CORIN: variants seen among roughly 807,000 people sequenced by gnomAD.
CORIN encodes corin, serine peptidase.
CORIN carries 117 observed loss-of-function variants against 125.3 expected under a neutral mutation model. That is an observed-to-expected ratio of 0.93 (90% CI 0.80 to 1.09). The LOEUF is 1.09. Ranked by LOEUF, CORIN falls within the 50% of genes least tolerant of loss-of-function variation. The pLI, the probability that CORIN is intolerant of heterozygous loss-of-function variation, is 0.00. For synonymous variants in CORIN, 450 were observed against 466.4 expected, an observed-to-expected ratio of 0.96 and a Z score of 0.45; for missense variants, 1,253 against 1,306.7, an observed-to-expected ratio of 0.96 and a Z score of 0.63.
chr4:47,785,387 C>A (rs61764287), intron 3 of CORIN, among the ~76,000 whole-genome samples: 251 of 152,210 alleles, frequency 1.6e-3, no homozygotes, highest in Non-Finnish European at 2.8e-3. Flanking sequence ...TCACCTCTCA[C>A]CAACTCACCA....
At chr4:47,649,325 C>G (rs1723632472) in intron 13 of CORIN, among the ~76,000 whole-genome samples, 1 of 152,210 alleles carries the variant, frequency 6.6e-6, no homozygotes, top group Non-Finnish European at 1.5e-5. Flanking sequence ...CCTGAGTTTA[C>G]TATGTGAGCC....
chr4:47,632,718 C>A (rs2109582580), intron 16 of CORIN, among the ~76,000 whole-genome samples: 1 of 99,636 alleles, frequency 1.0e-5, no homozygotes, highest in South Asian at 3.2e-4. Flanking sequence ...TCCTAACTGA[C>A]AATAGATGAT....
intron 20 of CORIN, 150 bp from the exon 21 acceptor site, chr4:47,600,497 G>A (rs1560467239): frequency 1.8e-6 from 1 of 559,346 alleles, no homozygotes; most frequent in African/African-American, 1.9e-5. Context: ...CCATTTTAAA[G>A]ACATGGCTGG....
intron 13 of CORIN, among the ~76,000 whole-genome samples, chr4:47,645,541 C>T (rs1321294367): frequency 6.6e-6 from 1 of 151,026 alleles, no homozygotes. Context: ...TAGAAATAAC[C>T]AATAATATTC....
At chr4:47,790,441 G>A (rs898524171) in intron 2 of CORIN, among the ~76,000 whole-genome samples, 44 of 152,246 alleles carry the variant, frequency 2.9e-4, no homozygotes, top group African/African-American at 9.9e-4. Context: ...TCATTTTGCT[G>A]AGAGTCCCTG....
chr4:47,795,845 G>T (rs1252670413), intron 2 of CORIN, among the ~76,000 whole-genome samples: 2 of 152,030 alleles, frequency 1.3e-5, no homozygotes, highest in Non-Finnish European at 2.9e-5. Flanking sequence ...AGAGCCAGTA[G>T]CCAGTAAGTA....
In CORIN at chr4:47,786,696, C is replaced by T. The variant is rs749615445; in HGVS notation, c.409+29G>A. ...AAACCTACCTGTGGGACATTAAAAG[C>T]CTCTAGCATGTATCACCTTTGGACT... On this transcript the variant is annotated intron_variant, in intron 3 of 21. Coordinates refer to ENST00000273857, the MANE Select transcript of CORIN (RefSeq NM_006587.4). 1.1e-5 allele frequency: 17 copies of T among 1,578,462 alleles called. No homozygotes were observed. In the Admixed American group the frequency reaches 2.7e-4, roughly 25 times the overall value.
At chr4:47,674,647 TG>T in intron 9 of CORIN, 147 bp from the exon 10 acceptor site, 2 of 596,986 alleles carry the variant, frequency 3.4e-6, no homozygotes, top group East Asian at 5.6e-5. Context: ...GAACGTACGT[TG>T]AATAGGTGCT....
chr4:47,837,987 T>C lies in CORIN; in HGVS notation c.-38A>G. The C allele has an allele frequency of 1.9e-6, 3 of 1,606,880 alleles. No homozygotes were observed. The highest frequency in any genetic ancestry group is 2.5e-6 in the Non-Finnish European group (3 of 1,179,874). Reference sequence around the variant, plus strand: ...TCGCTTATTCTTCTGTCCACTTTTATCTTGGTCGCTTTTCTCTCCTCTACG... The same window carrying C: ...TCGCTTATTCTTCTGTCCACTTTTACCTTGGTCGCTTTTCTCTCCTCTACG... On this transcript the variant is annotated 5_prime_UTR_variant, in exon 1 of 22. Transcript: ENST00000273857.
intron 2 of CORIN, among the ~76,000 whole-genome samples, chr4:47,792,284 T>C (rs1369095835): frequency 6.6e-6 from 1 of 152,118 alleles, no homozygotes; most frequent in Non-Finnish European, 1.5e-5. Context: ...CCAGACAGGA[T>C]AGGTCTTGTA....
intron 3 of CORIN, among the ~76,000 whole-genome samples, chr4:47,786,126 C>T (rs534788510): frequency 3.9e-5 from 6 of 152,132 alleles, no homozygotes; most frequent in African/African-American, 7.2e-5. Flanking sequence ...TGCCACTATA[C>T]TGGGGCAAGC....
At chr4:47,799,172 A>G (rs575791417) in intron 2 of CORIN, among the ~76,000 whole-genome samples, 55 of 148,810 alleles carry the variant, frequency 3.7e-4, no homozygotes, top group East Asian at 2.0e-4. Context: ...TCTTTATCCA[A>G]TCTACCACTG....
intron 12 of CORIN, among the ~76,000 whole-genome samples, chr4:47,656,305 G>C (rs1476363087): frequency 6.6e-6 from 1 of 151,946 alleles, no homozygotes; most frequent in Non-Finnish European, 1.5e-5. Context: ...ACAGGCGCCT[G>C]CCACCATGCC....
chr4:47,604,981 A>G (rs540639758), intron 19 of CORIN, among the ~76,000 whole-genome samples: 79 of 152,182 alleles, frequency 5.2e-4, no homozygotes, highest in Non-Finnish European at 1.1e-3. Context: ...TCTCAACCCA[A>G]GGACTTTCTT....
intron 13 of CORIN, among the ~76,000 whole-genome samples, chr4:47,648,584 T>C (rs886763661): frequency 4.6e-5 from 7 of 152,128 alleles, no homozygotes; most frequent in Non-Finnish European, 1.0e-4. Context: ...TGTTTCTCTA[T>C]AAAAACAGTT....
At chr4:47,723,831 C>T (rs1310160576) in intron 5 of CORIN, among the ~76,000 whole-genome samples, 1 of 151,710 alleles carries the variant, frequency 6.6e-6, no homozygotes, top group Admixed American at 6.6e-5. Flanking sequence ...CCTGTCTCTA[C>T]TAAAAATACA....
chr4:47,641,835 T>C (rs1207789703), intron 16 of CORIN, 85 bp downstream of exon 16: 15 of 1,501,164 alleles, frequency 1.0e-5, no homozygotes, highest in African/African-American at 1.4e-5. Flanking sequence ...GCACTAACTC[T>C]CTGTGCATCC....
At chr4:47,770,273 T>C (rs1276117144) in intron 3 of CORIN, among the ~76,000 whole-genome samples, 2 of 152,118 alleles carry the variant, frequency 1.3e-5, no homozygotes, top group Admixed American at 1.3e-4. Flanking sequence ...TCTCTAGCCA[T>C]CAGAGAAATG....
chr4:47,819,635 G>A (rs1732418887), intron 1 of CORIN, among the ~76,000 whole-genome samples: 1 of 152,168 alleles, frequency 6.6e-6, no homozygotes, highest in Non-Finnish European at 1.5e-5. Context: ...GATAACGGGA[G>A]AGGAGAAATG....
Sources: gnomAD v4.1 joint callset for allele counts (sites outside exome capture counted in the v4.1 genomes callset) on GRCh38, gnomAD v4.1.1 for gene constraint, MANE v1.5 for transcripts, NCBI Gene and HGNC (gene_info 2026-07-23, HGNC 2026-07-21) for gene names.